Variants in RHOF observed in about 807,000 individuals in gnomAD.
RHOF encodes the protein rho-related GTP-binding protein RhoF.
Under a neutral mutation model 22.2 loss-of-function variants are expected in RHOF, and 21 were observed. That is an observed-to-expected ratio of 0.95 (90% CI 0.67 to 1.36). RHOF has a LOEUF of 1.36. Ranked by LOEUF, RHOF falls within the 40% of genes most tolerant of loss-of-function variation. RHOF has a pLI of 0.00. For synonymous variants in RHOF, 135 were observed against 131.2 expected (o/e 1.03, Z -0.20); for missense variants, 285 against 293.7 (o/e 0.97, Z 0.22).
chr12:121,793,157 G>C lies in RHOF; in HGVS notation c.221C>G (p.Thr74Arg). The C allele has an allele frequency of 6.5e-7, 1 of 1,550,046 alleles. No individual in the cohort carries two copies. The highest frequency in any genetic ancestry group is 8.7e-7 in the Non-Finnish European group (1 of 1,146,710). Residue 74 changes from threonine to arginine, a missense_variant, in exon 2 of 5, where the codon ACG becomes AGG. By Grantham distance (71) the Thr-to-Arg change is moderately conservative. Transcript: ENST00000267205. ...CGGCGCGCAGGCGCACTCACCGGCC[G>C]TGTCGTAGAGGTTCAGGGTCACCTC... ...SKEVTLNLYD[T>R]AGQEDYDRLR...
chr12:121,793,316 C>G, intron 1 of RHOF, 77 bp from the exon 2 acceptor site: 1 of 1,459,262 alleles, frequency 6.9e-7, no homozygotes, highest in Non-Finnish European at 9.4e-7. Flanking sequence ...ACTGTCCACC[C>G]CCCTCACTCG....
At chr12:121,784,612 T>C (rs1268912968) in intron 2 of RHOF, among the ~76,000 whole-genome samples, 1 of 151,460 alleles carries the variant, frequency 6.6e-6, no homozygotes, top group Non-Finnish European at 1.5e-5. Flanking sequence ...TGATGAATAC[T>C]CCCACAACAT....
intron 2 of RHOF, chr12:121,782,351 AGCCC>A (rs1874492010): frequency 6.6e-6 from 1 of 152,200 alleles, no homozygotes; most frequent in Admixed American, 6.5e-5. Context: ...TTGAGGAGCC[AGCCC>A]AGCCCAGGGT....
intron 2 of RHOF, among the ~76,000 whole-genome samples, chr12:121,783,637 C>T (rs1874533884): frequency 6.6e-6 from 1 of 152,192 alleles, no homozygotes; most frequent in African/African-American, 2.4e-5. Flanking sequence ...CGCCCACCAC[C>T]ACACCCAGCT....
At chr12:121,787,996 C>G (rs756462562) in intron 2 of RHOF, among the ~76,000 whole-genome samples, 1 of 151,406 alleles carries the variant, frequency 6.6e-6, no homozygotes, top group Non-Finnish European at 1.5e-5. Context: ...CTCCTGGGCT[C>G]AAGCCATCCT....
At position 121,787,061 on chromosome 12, in the gene RHOF, C is replaced by CA. The variant is rs200571390; in HGVS notation, c.227-5870dup. The stretch of plus-strand genomic sequence containing the variant: ...TCAAAACAAAAACAAAAATCAAAAA[C>CA]AAAAAAAACAGTAATTCTCTGGGTT... On this transcript the variant is annotated intron_variant, in intron 2 of 4. Coordinates refer to ENST00000267205, the MANE Select transcript of RHOF (RefSeq NM_019034.3). Among the ~76,000 whole-genome samples, 848 of 151,698 alleles carry CA rather than the reference C, an allele frequency of 5.6e-3. 6 individuals are homozygous for CA. The highest frequency in any genetic ancestry group is 0.048 in the Middle Eastern group (14 of 294).
At chr12:121,779,950 G>GGT (rs59641582) in intron 4 of RHOF, 366,111 of 372,916 alleles carry the variant, frequency 0.98, 180,097 homozygotes, top group East Asian at 1. Flanking sequence ...GGTTCCCCCA[G>GGT]GTGTCTCCCA....
chr12:121,789,151 G>C (rs1874694746), intron 2 of RHOF, among the ~76,000 whole-genome samples: 2 of 152,084 alleles, frequency 1.3e-5, no homozygotes, highest in Admixed American at 1.3e-4. Flanking sequence ...GATCACTTGA[G>C]CCCAAGAGGC....
chr12:121,780,802 G>C (rs1452182417), intron 4 of RHOF, 70 bp downstream of exon 4: 25 of 1,531,238 alleles, frequency 1.6e-5, no homozygotes, highest in Non-Finnish European at 2.2e-5. Flanking sequence ...AGGCACCCCA[G>C]TTGCAGAGGC....
Position 121,779,475 on chromosome 12 carries a change from T to G in RHOF, c.*23A>C, listed in dbSNP as rs972728309. The G allele has an allele frequency of 6.2e-7, 1 of 1,608,078 alleles. No homozygotes were observed. Among genetic ancestry groups the G allele is most frequent in the Non-Finnish European group, 8.5e-7 (1 of 1,179,338 alleles). On this transcript the variant is annotated 3_prime_UTR_variant, in exon 5 of 5. Coordinates refer to ENST00000267205, the MANE Select transcript of RHOF (RefSeq NM_019034.3). Reference sequence around the variant, plus strand: ...GGGCCCCCGGGCCCTGTCAGTGCTGTCGTGAGGTCTGTCTGCCCTGGGTCA... The same window carrying G: ...GGGCCCCCGGGCCCTGTCAGTGCTGGCGTGAGGTCTGTCTGCCCTGGGTCA...
rs61954262 is a variant in RHOF at position 121,778,448 on chromosome 12, C to T, written c.*1050G>A. On this transcript the variant is annotated 3_prime_UTR_variant, in exon 5 of 5. Coordinates refer to ENST00000267205, the MANE Select transcript of RHOF (RefSeq NM_019034.3). The stretch of plus-strand genomic sequence containing the variant: ...CCTGAGTGACAGAATGAGACTCTGT[C>T]CCAAAAAAAAAAAAAAAAAAAAATT... 7.5e-6 allele frequency: 1 copy of T among 133,596 alleles called. No homozygotes were observed. The highest frequency in any genetic ancestry group is 7.1e-5 in the Admixed American group (1 of 14,052). 8.3% of individuals were successfully genotyped at this position (133,596 alleles called of 1,614,324 possible). A position where few individuals can be genotyped will look rare whatever the true frequency, so the allele number is the denominator to read the frequency against.
chr12:121,793,252 G>A lies in RHOF; in HGVS notation c.139-13C>T, dbSNP rs1188814036. The A allele has an allele frequency of 1.9e-6, 3 of 1,550,276 alleles. No individual in the cohort carries two copies. Among genetic ancestry groups the A allele is most frequent in the Non-Finnish European group, 2.6e-6 (3 of 1,146,402 alleles). ...ATGGGGCGTAGTGCTGCGGGAGAGG[G>A]GGTCGGGTTGGTCCTTAGTGGGGCC... On this transcript the variant is annotated splice_polypyrimidine_tract_variant and intron_variant, in intron 1 of 4. Transcript: ENST00000267205.
chr12:121,786,361 GT>G (rs1316610774), intron 2 of RHOF, among the ~76,000 whole-genome samples: 1 of 152,172 alleles, frequency 6.6e-6, no homozygotes, highest in Non-Finnish European at 1.5e-5. Flanking sequence ...AGCCAAGGTT[GT>G]TCCACTCTCG....
intron 2 of RHOF, among the ~76,000 whole-genome samples, chr12:121,783,710 G>A (rs113602256): frequency 0.012 from 1,774 of 152,192 alleles, 31 homozygotes; most frequent in African/African-American, 0.041. Context: ...TCGAACTCCC[G>A]ACCTCTGGTG....
At chr12:121,784,684 G>C (rs938160615) in intron 2 of RHOF, among the ~76,000 whole-genome samples, 1 of 152,212 alleles carries the variant, frequency 6.6e-6, no homozygotes, top group Non-Finnish European at 1.5e-5. Context: ...CTCAGTGACT[G>C]GGCCAGGAGT....
In RHOF at chr12:121,793,678, G is replaced by C; in HGVS notation, c.-45C>G. 6.8e-7 allele frequency: 1 copy of C among 1,469,530 alleles called. No homozygotes were observed. The highest frequency in any genetic ancestry group is 1.3e-5 in the South Asian group (1 of 75,438). The allele number at this position is 1,469,530 out of a possible 1,614,324, so 91.0% of individuals were successfully genotyped here. On this transcript the variant is annotated 5_prime_UTR_variant, in exon 1 of 5. Transcript: ENST00000267205. ...TGGCGGCGGCGCGCCGGGCACTAGC[G>C]GAGCCAAGAGGTCGGGGGCGGGGCG...
rs116944083 is a variant in RHOF at position 121,787,624 on chromosome 12, G to A, written c.226+5528C>T. Among the ~76,000 whole-genome samples, 381 of 149,022 alleles carry A rather than the reference G, an allele frequency of 2.6e-3. 4 individuals carry two copies. In the East Asian group the frequency reaches 0.049, roughly 19 times the overall value. ...TCATATAAAAGTCATGGTCTAGACC[G>A]GGCGCTGTGGCGCATGCTTGTAATC... On this transcript the variant is annotated intron_variant, in intron 2 of 4. Transcript: ENST00000267205.
chr12:121,785,477 A>G (rs1385623272), intron 2 of RHOF, among the ~76,000 whole-genome samples: 1 of 136,066 alleles, frequency 7.3e-6, no homozygotes, highest in African/African-American at 2.8e-5. Flanking sequence ...CCCAGGCTGG[A>G]GTGCAGTGGC....
intron 2 of RHOF, among the ~76,000 whole-genome samples, chr12:121,789,373 C>T (rs916340573): frequency 2.0e-5 from 3 of 151,992 alleles, no homozygotes; most frequent in Non-Finnish European, 2.9e-5. Flanking sequence ...CAGGGCTGGG[C>T]GGAAGGGAGG....
Sources: allele counts gnomAD v4.1 joint callset (sites outside exome capture counted in the v4.1 genomes callset), GRCh38; gene constraint gnomAD v4.1.1; transcripts MANE v1.5; gene names NCBI Gene and HGNC (gene_info 2026-07-23, HGNC 2026-07-21).